SULT2B1: variants seen among roughly 807,000 people sequenced by gnomAD.
SULT2B1 encodes the protein sulfotransferase family 2B member 1, also known as sulfotransferase 2B1.
A neutral mutation model predicts 33.2 loss-of-function variants in SULT2B1; 16 were observed. The observed-to-expected ratio is 0.48, with a 90% confidence interval of 0.33 to 0.73. SULT2B1 has a LOEUF of 0.73. SULT2B1 is among the 30% of genes least tolerant of loss of function. The probability of loss-of-function intolerance (pLI) is 0.02; values close to 1 mark genes in which losing one functional copy is unlikely to be tolerated. For missense variants in SULT2B1, 500 were observed against 506.0 expected (o/e 0.99, Z 0.11); for synonymous variants, 186 against 200.5 (o/e 0.93, Z 0.61).
intron 3 of SULT2B1, among the ~76,000 whole-genome samples, chr19:48,589,942 C>T (rs913552099): frequency 6.6e-6 from 1 of 152,194 alleles, no homozygotes; most frequent in Admixed American, 6.5e-5. Context: ...GCCTCAAGGA[C>T]AGAACAAGAC....
chr19:48,568,108 A>G (rs1973268330), intron 1 of SULT2B1, among the ~76,000 whole-genome samples: 1 of 151,964 alleles, frequency 6.6e-6, no homozygotes, highest in Non-Finnish European at 1.5e-5. Flanking sequence ...CCCTGTCTCT[A>G]CAAAAAATTT....
At chr19:48,561,779 G>A (rs1337170601) in intron 1 of SULT2B1, among the ~76,000 whole-genome samples, 2 of 152,142 alleles carry the variant, frequency 1.3e-5, no homozygotes, top group Non-Finnish European at 2.9e-5. Context: ...GCAGATGTGG[G>A]TGAGATGCTC....
chr19:48,568,249 G>T (rs1363853813), intron 1 of SULT2B1, among the ~76,000 whole-genome samples: 1 of 147,916 alleles, frequency 6.8e-6, no homozygotes, highest in Non-Finnish European at 1.5e-5. Flanking sequence ...TCAAGCCACT[G>T]CATTCCAGCC....
chr19:48,593,779 CAT>C (rs1973675035), intron 5 of SULT2B1, among the ~76,000 whole-genome samples: 1 of 149,928 alleles, frequency 6.7e-6, no homozygotes, highest in South Asian at 2.1e-4. Context: ...GGATTACAGG[CAT>C]GCGCCACCAC....
At chr19:48,554,981 C>T (rs561191231) in intron 1 of SULT2B1, among the ~76,000 whole-genome samples, 3 of 152,232 alleles carry the variant, frequency 2.0e-5, no homozygotes, top group East Asian at 3.9e-4. Context: ...CAGGAAGGAG[C>T]GAGATCCAGG....
rs1359276063 is a variant in SULT2B1 at position 48,596,913 on chromosome 19, C to T, written c.820C>T (p.Arg274Trp). Residue 274 changes from arginine to tryptophan, a missense_variant, in exon 6 of 7, where the codon CGG (arginine) becomes TGG (tryptophan). Transcript: ENST00000201586. ...LLDHRRGAFL[R>W]KGVCGDWKNH... ...GGACCACCGTCGCGGGGCCTTCCTC[C>T]GGAAAGGTGCGGGGGTTCTGGGGTT... 1 of 1,587,892 alleles carries T rather than the reference C, an allele frequency of 6.3e-7. No individual in the cohort carries two copies. The highest frequency in any genetic ancestry group is 8.5e-7 in the Non-Finnish European group (1 of 1,172,524).
chr19:48,552,438 C>T lies in SULT2B1; in HGVS notation c.71+115C>T. The T allele has an allele frequency of 1.8e-6, 2 of 1,135,298 alleles. No individual in the cohort carries two copies. Among genetic ancestry groups the T allele is most frequent in the Non-Finnish European group, 2.5e-6 (2 of 789,700 alleles). The allele number at this position is 1,135,298 out of a possible 1,614,324, so 70.3% of individuals were successfully genotyped here. A position where few individuals can be genotyped will look rare whatever the true frequency, so the allele number is the denominator to read the frequency against. On this transcript the variant is annotated intron_variant, in intron 1 of 6. Coordinates refer to ENST00000201586, the MANE Select transcript of SULT2B1 (RefSeq NM_177973.2). This position sits in a 1 kb window ranked among gnomAD's most constrained non-coding sequence, Gnocchi z 4.8. ...AGCCACCCGCAGCCGCAGGCCTGGC[C>T]CAGACTTAGCTGGAGGGGCTGGGCT...
At chr19:48,571,645 A>AC (rs1332136344) in intron 1 of SULT2B1, among the ~76,000 whole-genome samples, 4 of 101,092 alleles carry the variant, frequency 4.0e-5, no homozygotes, top group Non-Finnish European at 8.4e-5. Flanking sequence ...ACAAAAGAAA[A>AC]AAACACCAGA....
intron 1 of SULT2B1, among the ~76,000 whole-genome samples, chr19:48,571,920 T>G (rs1973335336): frequency 6.6e-6 from 1 of 152,168 alleles, no homozygotes. Flanking sequence ...GCTGCACTTG[T>G]GTTTAATGAA....
Position 48,599,083 on chromosome 19 carries a change from G to T in SULT2B1, c.827-52G>T, listed in dbSNP as rs917650063. The T allele has an allele frequency of 2.6e-5, 40 of 1,533,042 alleles. No homozygotes were observed. Among genetic ancestry groups the T allele is most frequent in the Non-Finnish European group, 3.4e-5 (39 of 1,145,144 alleles). 95.0% of individuals were successfully genotyped at this position (1,533,042 alleles called of 1,614,324 possible). On this transcript the variant is annotated intron_variant, in intron 6 of 6. Transcript: ENST00000201586. This position sits in a 1 kb window ranked among gnomAD's most constrained non-coding sequence, Gnocchi z 4.1. Reference sequence around the variant, plus strand: ...AGGTTGCTGGAATGTTGGAGGTAGGGGCGCAGTGCTCCCCAGAGGCTCCTC... The same window carrying T: ...AGGTTGCTGGAATGTTGGAGGTAGGTGCGCAGTGCTCCCCAGAGGCTCCTC...
intron 1 of SULT2B1, among the ~76,000 whole-genome samples, chr19:48,571,074 C>T (rs920284270): frequency 2.6e-5 from 4 of 151,946 alleles, no homozygotes; most frequent in Non-Finnish European, 4.4e-5. Flanking sequence ...GGCTGGAGCA[C>T]GCAGTGGTGA....
chr19:48,572,744 A>C (rs1048468035), intron 1 of SULT2B1, among the ~76,000 whole-genome samples: 5 of 151,890 alleles, frequency 3.3e-5, no homozygotes, highest in African/African-American at 1.2e-4. Flanking sequence ...GGCTGAGTCG[A>C]GGGCCCACAG....
intron 2 of SULT2B1, among the ~76,000 whole-genome samples, chr19:48,586,701 A>G (rs1187770288): frequency 6.6e-6 from 1 of 152,240 alleles, no homozygotes; most frequent in Non-Finnish European, 1.5e-5. Flanking sequence ...CCCTTGGACG[A>G]GCGACATGGT....
At chr19:48,565,449 G>T (rs1973232393) in intron 1 of SULT2B1, among the ~76,000 whole-genome samples, 1 of 151,518 alleles carries the variant, frequency 6.6e-6, no homozygotes, top group South Asian at 2.1e-4. Context: ...GCTAGATCTT[G>T]GCTCACTGCA....
chr19:48,597,158 C>G (rs776161043), intron 6 of SULT2B1, among the ~76,000 whole-genome samples: 3 of 152,080 alleles, frequency 2.0e-5, no homozygotes, highest in Non-Finnish European at 4.4e-5. Flanking sequence ...TCCAGGAGTA[C>G]TGCCAACGCC....
chr19:48,585,546 G>A (rs1488997998), intron 2 of SULT2B1, among the ~76,000 whole-genome samples: 3 of 151,960 alleles, frequency 2.0e-5, no homozygotes, highest in Non-Finnish European at 4.4e-5. Flanking sequence ...GTGCATGCCT[G>A]TAACCCCAGC....
chr19:48,573,848 C>T (rs73050965), intron 1 of SULT2B1, among the ~76,000 whole-genome samples: 2,092 of 152,100 alleles, frequency 0.014, 16 homozygotes, highest in South Asian at 0.035. Flanking sequence ...ACCCACTGCA[C>T]GACAATTGGT....
At chr19:48,589,510 G>C (rs1332800954) in intron 3 of SULT2B1, among the ~76,000 whole-genome samples, 1 of 152,234 alleles carries the variant, frequency 6.6e-6, no homozygotes, top group East Asian at 1.9e-4. Flanking sequence ...GGGTGATATC[G>C]CCAAGGAATT....
At chr19:48,591,981 G>A (rs910903312) in intron 4 of SULT2B1, among the ~76,000 whole-genome samples, 3 of 152,072 alleles carry the variant, frequency 2.0e-5, no homozygotes, top group African/African-American at 7.2e-5. Flanking sequence ...GATACAAAAA[G>A]ACTGAGAGAG....
Sources: allele counts gnomAD v4.1 joint callset (sites outside exome capture counted in the v4.1 genomes callset), GRCh38; gene constraint gnomAD v4.1.1; non-coding constraint Gnocchi (gnomAD v3.1); transcripts MANE v1.5; gene names NCBI Gene and HGNC (gene_info 2026-07-23, HGNC 2026-07-21).